Variants in C12orf42 observed in about 807,000 individuals in gnomAD.
C12orf42 encodes the protein uncharacterized protein C12orf42.
Under a neutral mutation model 21.6 loss-of-function variants are expected in C12orf42, and 25 were observed. That is an observed-to-expected ratio of 1.16 (90% CI 0.84 to 1.62). The LOEUF is 1.62. Ranked by LOEUF, C12orf42 falls within the 40% of genes most tolerant of loss-of-function variation. The pLI, the probability that C12orf42 is intolerant of heterozygous loss-of-function variation, is 0.00. For missense variants in C12orf42, 483 were observed against 459.3 expected (o/e 1.05, Z -0.47); for synonymous variants, 174 against 175.0 (o/e 0.99, Z 0.05).
At position 103,302,419 on chromosome 12, in the gene C12orf42, G is replaced by T. The variant is rs1000069312; in HGVS notation, c.772C>A (p.Pro258Thr). Residue 258 changes from proline (P) to threonine (T), a missense_variant, in exon 6 of 6, where the codon CCC (proline) becomes ACC (threonine). Pro to Thr is a conservative substitution (Grantham distance 38, BLOSUM62 -1). Transcript: ENST00000548883. ...AGGAGTCTGCTTTGGATGTCGTCGG[G>T]GTGTGCCTGAGCGCCTGCTGGGACT... is the stretch of plus-strand genomic sequence containing the variant. ...MAVPAGAQAH[P>T]DDIQSRLLGA... is the part of the protein sequence containing the mutation. 1 of 1,613,894 alleles carries T rather than the reference G, an allele frequency of 6.2e-7. No individual in the cohort carries two copies. The highest frequency in any genetic ancestry group is 2.2e-5 in the East Asian group (1 of 44,864).
the C12orf42 span, among the ~76,000 whole-genome samples, chr12:103,151,609 T>TG: frequency 6.6e-6 from 1 of 152,108 alleles, no homozygotes; most frequent in Admixed American, 6.6e-5. Flanking sequence ...TAATGAGCTT[T>TG]GAAAAAGATC....
At chr12:103,201,634 T>C in the C12orf42 span, among the ~76,000 whole-genome samples, 4 of 152,196 alleles carry the variant, frequency 2.6e-5, no homozygotes, top group African/African-American at 9.6e-5. Flanking sequence ...CCTCACGTAG[T>C]TGTAAGAGGA....
chr12:103,460,988 T>G (rs1592912461), intron 2 of C12orf42, among the ~76,000 whole-genome samples: 1 of 152,180 alleles, frequency 6.6e-6, no homozygotes, highest in South Asian at 2.1e-4. Flanking sequence ...GTTGTAGATT[T>G]GTTGTAGAAC....
the C12orf42 span, among the ~76,000 whole-genome samples, chr12:103,546,826 C>T: frequency 2.6e-5 from 4 of 152,094 alleles, no homozygotes; most frequent in Admixed American, 2.6e-4. Context: ...GCTATAAAAC[C>T]CTCACATGAG....
At chr12:103,413,549 T>C (rs1163626105) in intron 2 of C12orf42, among the ~76,000 whole-genome samples, 4 of 152,050 alleles carry the variant, frequency 2.6e-5, no homozygotes, top group Admixed American at 6.6e-5. Flanking sequence ...AGTCCTTTAG[T>C]GGTGATTTCT....
In C12orf42 at chr12:103,302,336, G is replaced by A. The variant is rs370174383; in HGVS notation, c.855C>T (p.Leu285=). 8.6e-5 allele frequency: 139 copies of A among 1,613,996 alleles called. No individual in the cohort carries two copies. Among genetic ancestry groups the A allele is most frequent in the African/African-American group, 6.4e-4 (48 of 75,052 alleles). The change falls in exon 6 of 6, where the codon CTC becomes CTT. Residue 285 remains leucine (L), a synonymous_variant. Coordinates refer to ENST00000548883, the MANE Select transcript of C12orf42 (RefSeq NM_198521.5). ...KGAVAMAPEM[L]PKHPHTPRDR... ...CCCGCGGGGTATGAGGATGCTTGGGGAGCATCTCCGGCGCCATGGCAACCG... is the reference window on the plus strand; with the variant it reads ...CCCGCGGGGTATGAGGATGCTTGGGAAGCATCTCCGGCGCCATGGCAACCG...
chr12:103,497,640 C>T (rs2138268783), upstream of C12orf42, among the ~76,000 whole-genome samples: 1 of 152,320 alleles, frequency 6.6e-6, no homozygotes, highest in Non-Finnish European at 1.5e-5. Flanking sequence ...TCATCAATTT[C>T]AGCAAATAAT....
the C12orf42 span, among the ~76,000 whole-genome samples, chr12:103,200,480 T>G: frequency 6.6e-6 from 1 of 152,352 alleles, no homozygotes; most frequent in East Asian, 1.9e-4. Context: ...TATATTGTGT[T>G]CTAATCACAC....
rs113998465 is a variant in C12orf42 at position 103,413,756 on chromosome 12, T to G, written c.79-12081A>C. 3.3e-5 allele frequency among the ~76,000 whole-genome samples: 5 copies of G among 152,168 alleles called. No individual in the cohort carries two copies. The East Asian group carries it at 9.6e-4, about 29-fold the overall frequency. Reference sequence around the variant, plus strand: ...GTTTGGTTTTCCATTTCTAAGCTACTTCACTTAGAATAATGGTCTCCAACT... The same window carrying G: ...GTTTGGTTTTCCATTTCTAAGCTACGTCACTTAGAATAATGGTCTCCAACT... On this transcript the variant is annotated intron_variant, in intron 2 of 5. Transcript: ENST00000548883.
chr12:103,548,912 T>G, the C12orf42 span: 1 of 152,134 alleles, frequency 6.6e-6, no homozygotes, highest in South Asian at 2.1e-4. Flanking sequence ...AAATCTGAGT[T>G]CTCACGACAA....
At chr12:103,139,952 A>T in the C12orf42 span, among the ~76,000 whole-genome samples, 10 of 152,098 alleles carry the variant, frequency 6.6e-5, no homozygotes, top group South Asian at 2.1e-4. Flanking sequence ...AATAACTACC[A>T]CCCCATCTCC....
the C12orf42 span, among the ~76,000 whole-genome samples, chr12:103,132,365 T>C: frequency 0.031 from 4,652 of 152,102 alleles, 164 homozygotes; most frequent in African/African-American, 0.087. Context: ...AAAAAGTAGA[T>C]GAGTGACCCT....
At chr12:103,475,521 G>C (rs1953982235) in intron 2 of C12orf42, among the ~76,000 whole-genome samples, 2 of 152,190 alleles carry the variant, frequency 1.3e-5, no homozygotes, top group Admixed American at 1.3e-4. Context: ...CCGAAAAAGA[G>C]TGGTCCCAAT....
At chr12:103,311,434 C>A (rs887593142) in intron 4 of C12orf42, among the ~76,000 whole-genome samples, 2 of 151,852 alleles carry the variant, frequency 1.3e-5, no homozygotes, top group African/African-American at 4.8e-5. Flanking sequence ...CAAACCAGAA[C>A]CTTCTAGTGT....
the C12orf42 span, among the ~76,000 whole-genome samples, chr12:103,525,266 G>C: frequency 3.3e-5 from 5 of 152,192 alleles, no homozygotes; most frequent in African/African-American, 1.2e-4. Flanking sequence ...CTGGACTCAA[G>C]TGATCCTCTT....
At chr12:103,165,310 C>A in the C12orf42 span, among the ~76,000 whole-genome samples, 1 of 152,220 alleles carries the variant, frequency 6.6e-6, no homozygotes, top group African/African-American at 2.4e-5. Flanking sequence ...CTATAAAAGA[C>A]AGGCCCTCTC....
At chr12:103,519,707 T>C in the C12orf42 span, among the ~76,000 whole-genome samples, 1 of 152,092 alleles carries the variant, frequency 6.6e-6, no homozygotes, top group African/African-American at 2.4e-5. Context: ...ATTTTCATGG[T>C]CCTAGGAAGC....
intron 2 of C12orf42, among the ~76,000 whole-genome samples, chr12:103,467,217 A>G (rs1592937671): frequency 6.6e-6 from 1 of 152,370 alleles, no homozygotes; most frequent in South Asian, 2.1e-4. Context: ...TTTTATTTAT[A>G]AAATTAAGAT....
At chr12:103,510,121 A>G in the C12orf42 span, among the ~76,000 whole-genome samples, 1 of 152,230 alleles carries the variant, frequency 6.6e-6, no homozygotes, top group Non-Finnish European at 1.5e-5. Flanking sequence ...CCATTAATCA[A>G]TGAGTGGATA....
Sources: allele counts gnomAD v4.1 joint callset (sites outside exome capture counted in the v4.1 genomes callset), GRCh38; gene constraint gnomAD v4.1.1; transcripts MANE v1.5; gene names NCBI Gene and HGNC (gene_info 2026-07-23, HGNC 2026-07-21).